The following SCN10A variants were observed in gnomAD, a reference collection of about 807,000 sequenced individuals.
The protein encoded by SCN10A is sodium channel protein type 10 subunit alpha.
In SCN10A, 162 loss-of-function variants were observed where a neutral mutation model predicts 170.7. The ratio of observed to expected loss-of-function variants is 0.95; its 90% CI spans 0.84 to 1.08. The LOEUF (loss-of-function observed/expected upper bound fraction) is 1.08, where lower values mean the gene tolerates loss of function less well. SCN10A is among the 50% of genes least tolerant of loss of function. SCN10A has a pLI of 0.00. For synonymous variants in SCN10A, 985 were observed against 904.6 expected (o/e 1.09, Z -1.59); for missense variants, 2,527 against 2,436.9 (o/e 1.04, Z -0.78).
chr3:38,737,834 C>CTTTCTTTCTTTCTTTCTTTCTTTCTA (rs2063586161), intron 15 of SCN10A, among the ~76,000 whole-genome samples: 1 of 53,838 alleles, frequency 1.9e-5, no homozygotes, highest in Non-Finnish European at 3.3e-5. Flanking sequence ...CTTTCTTTCT[C>CTTTCTTTCTTTCTTTCTTTCTTTCTA]TTTCTTCTTT....
At position 38,756,884 on chromosome 3, in the gene SCN10A, G is replaced by C. The variant is rs375444748; in HGVS notation, c.1093-13C>G. On this transcript the variant is annotated splice_polypyrimidine_tract_variant and intron_variant, in intron 9 of 27. Transcript: ENST00000449082. ...AAGTCCTCAGGGTCTGCAGGTTCAAGGGAAAGAAGAGAAACCTGTACCCAT... is the reference window on the plus strand; with the variant it reads ...AAGTCCTCAGGGTCTGCAGGTTCAACGGAAAGAAGAGAAACCTGTACCCAT... The C allele has an allele frequency of 2.2e-5, 35 of 1,613,834 alleles. No individual in the cohort carries two copies. In the African/African-American group the frequency reaches 4.1e-4, roughly 19 times the overall value.
chr3:38,697,690 T>A lies in SCN10A; in HGVS notation c.5530A>T (p.Thr1844Ser). 6.2e-7 allele frequency: 1 copy of A among 1,614,112 alleles called. No individual in the cohort carries two copies. Among genetic ancestry groups the A allele is most frequent in the Non-Finnish European group, 8.5e-7 (1 of 1,180,016 alleles). The change falls in exon 28 of 28, where the codon ACC (threonine) becomes TCC (serine). Residue 1844 changes from threonine (T) to serine (S), a missense_variant. Coordinates refer to ENST00000449082, the MANE Select transcript of SCN10A (RefSeq NM_006514.4). ...LSKSSYEPIA[T>S]TLRWKQEDIS... ...TCTTCTTGCTTCCATCGGAGAGTGG[T>A]TGCTATTGGTTCATAGGATGATTTT...
intron 5 of SCN10A, among the ~76,000 whole-genome samples, chr3:38,768,179 A>AT (rs112438902): frequency 3.0e-4 from 44 of 148,170 alleles, no homozygotes; most frequent in Middle Eastern, 3.2e-3. Flanking sequence ...TGGTTGGTGG[A>AT]TTTTTTTTTT....
Position 38,742,400 on chromosome 3 carries a change from A to G in SCN10A, c.1997T>C (p.Phe666Ser), listed in dbSNP as rs2063642791. 6.2e-7 allele frequency: 1 copy of G among 1,614,074 alleles called. No individual in the cohort carries two copies. ...TILFGLVTDP[F>S]AELTITLCIV... ...GCACAAGGTGATGGTGAGCTCTGCA[A>G]AGGGATCCGTCACAAGCCCAAAGAG... Residue 666 changes from phenylalanine (F) to serine (S), a missense_variant, in exon 14 of 28, where the codon TTT becomes TCT. By Grantham distance (155) the Phe-to-Ser change is radical. Coordinates refer to ENST00000449082, the MANE Select transcript of SCN10A (RefSeq NM_006514.4).
In SCN10A at chr3:38,697,249, T is replaced by C; in HGVS notation, c.*100A>G. The C allele has an allele frequency of 1.3e-6, 2 of 1,520,430 alleles. No individual in the cohort carries two copies. The highest frequency in any genetic ancestry group is 1.8e-6 in the Non-Finnish European group (2 of 1,132,694). The allele number at this position is 1,520,430 out of a possible 1,614,324, so 94.2% of individuals were successfully genotyped here. On this transcript the variant is annotated 3_prime_UTR_variant, in exon 28 of 28. Transcript: ENST00000449082. Reference sequence around the variant, plus strand: ...CTGACATTGTGACCAGTGGCATGCATTGGTGAGGCTGTAGCTGGGTGTGAT... The same window carrying C: ...CTGACATTGTGACCAGTGGCATGCACTGGTGAGGCTGTAGCTGGGTGTGAT...
At chr3:38,793,156 A>G (rs1178673886) in intron 2 of SCN10A, among the ~76,000 whole-genome samples, 1 of 152,240 alleles carries the variant, frequency 6.6e-6, no homozygotes, top group East Asian at 1.9e-4. Context: ...ACAGGCACAC[A>G]TTCCAGTAGC....
At chr3:38,750,222 C>T (rs776339969) in intron 12 of SCN10A, 38 bp from the exon 13 acceptor site, 3 of 1,244,096 alleles carry the variant, frequency 2.4e-6, no homozygotes, top group Non-Finnish European at 3.5e-6. Flanking sequence ...GCTCCTTTAA[C>T]CTGACATCTT....
At chr3:38,802,395 A>G (rs1375811005) in intron 1 of SCN10A, among the ~76,000 whole-genome samples, 1 of 152,146 alleles carries the variant, frequency 6.6e-6, no homozygotes, top group Non-Finnish European at 1.5e-5. Flanking sequence ...ATCACCTTCC[A>G]CCCAGATGTC....
chr3:38,736,361 CTGTGTGTGTGTGTGTGTGTGTGTGTG>C (rs68001863), intron 15 of SCN10A, among the ~76,000 whole-genome samples: 2 of 139,464 alleles, frequency 1.4e-5, no homozygotes, highest in South Asian at 5.1e-4. Flanking sequence ...TAGGGAAACT[CTGTGTGTGTGTGTGTGTGTGTGTGTG>C]TGTGTGTGTG....
intron 20 of SCN10A, 116 bp downstream of exon 20, chr3:38,722,142 G>A (rs927573101): frequency 7.9e-6 from 8 of 1,009,048 alleles, no homozygotes; most frequent in Admixed American, 2.5e-5. Context: ...TAGTGACAAG[G>A]TTGGGGACTT....
rs772484960 is a variant in SCN10A at position 38,698,511 on chromosome 3, G to T, written c.4709C>A (p.Thr1570Lys). 2 of 1,614,130 alleles carry T rather than the reference G, an allele frequency of 1.2e-6. No individual in the cohort carries two copies. Among genetic ancestry groups the T allele is most frequent in the Admixed American group, 1.7e-5 (1 of 60,024 alleles). ...GGCCAGGCGGATGACTCTGAAGAGCGTTGGGGAGAAGTAACTTTGAAGTGA... is the reference window on the plus strand; with the variant it reads ...GGCCAGGCGGATGACTCTGAAGAGCTTTGGGGAGAAGTAACTTTGAAGTGA... ...LKSLQSYFSP[T>K]LFRVIRLARI... Residue 1570 changes from threonine to lysine, a missense_variant, in exon 28 of 28, where the codon ACG (threonine) becomes AAG (lysine). Thr to Lys is a moderately conservative substitution (Grantham distance 78, BLOSUM62 -1). Transcript: ENST00000449082.
chr3:38,736,549 A>G (rs1189691506), intron 15 of SCN10A, among the ~76,000 whole-genome samples: 1 of 152,178 alleles, frequency 6.6e-6, no homozygotes, highest in Non-Finnish European at 1.5e-5. Context: ...CATTTCTCAC[A>G]GCTCAGGTGC....
At position 38,755,799 on chromosome 3, in the gene SCN10A, G is replaced by A; in HGVS notation, c.1450C>T (p.Gln484Ter). ...CCTGAGCCTCTTACCATCCTGCGCT[G>A]GTTGTAAGGATCAGAGCGGGGTGAT... is the stretch of plus-strand genomic sequence containing the variant. ...NKSPRSDPYN[Q>*]RRMSFLGLAS... Residue 484 changes from glutamine (Q) to a stop codon, truncating the protein, a stop_gained, in exon 11 of 28, where the codon CAG becomes TAG. Coordinates refer to ENST00000449082, the MANE Select transcript of SCN10A (RefSeq NM_006514.4). LOFTEE classifies it high-confidence loss of function. 1.9e-6 allele frequency: 3 copies of A among 1,613,778 alleles called. No homozygotes were observed. The highest frequency in any genetic ancestry group is 2.5e-6 in the Non-Finnish European group (3 of 1,180,026).
Position 38,723,521 on chromosome 3 carries a change from G to T in SCN10A, c.3261C>A (p.Ser1087Arg). The change falls in exon 19 of 28, where the codon AGC becomes AGA. Residue 1087 changes from serine (S) to arginine (R), a missense_variant. By Grantham distance (110) the Ser-to-Arg change is moderately radical. Transcript: ENST00000449082. Reference sequence around the variant, plus strand: ...CCTCAGGATCTAGGCAGTCCACCGTGCTGCCCTCAGAGGAGCTTGTGTCGT... The same window carrying T: ...CCTCAGGATCTAGGCAGTCCACCGTTCTGCCCTCAGAGGAGCTTGTGTCGT... ...GVDDTSSSEG[S>R]TVDCLDPEEI... 1 of 1,609,098 alleles carries T rather than the reference G, an allele frequency of 6.2e-7. No homozygotes were observed. Among genetic ancestry groups the T allele is most frequent in the Non-Finnish European group, 8.5e-7 (1 of 1,177,420 alleles).
At position 38,784,062 on chromosome 3, in the gene SCN10A, T is replaced by A. The variant is rs78768858; in HGVS notation, c.470+4894A>T. Among the ~76,000 whole-genome samples the A allele has an allele frequency of 7.4e-3, 1,132 of 152,248 alleles. 10 individuals carry two copies. Among genetic ancestry groups the A allele is most frequent in the African/African-American group, 0.023 (939 of 41,572 alleles). On this transcript the variant is annotated intron_variant, in intron 4 of 27. Coordinates refer to ENST00000449082, the MANE Select transcript of SCN10A (RefSeq NM_006514.4). The stretch of plus-strand genomic sequence containing the variant: ...TTACAAGTGGTTGTTCTGACATTTT[T>A]CTAATTGATTTGTAGAGTTCATTAC...
intron 14 of SCN10A, among the ~76,000 whole-genome samples, chr3:38,741,375 A>T (rs2063630288): frequency 6.6e-6 from 1 of 152,120 alleles, no homozygotes. Flanking sequence ...CGGGCTTGGC[A>T]GCCGGTCTGT....
intron 13 of SCN10A, among the ~76,000 whole-genome samples, chr3:38,749,317 G>A (rs2063724167): frequency 6.6e-6 from 1 of 152,186 alleles, no homozygotes; most frequent in Non-Finnish European, 1.5e-5. Context: ...ATTTGTCTAG[G>A]GGAGTAAGAT....
At chr3:38,767,434 G>T (rs1054528456) in intron 5 of SCN10A, among the ~76,000 whole-genome samples, 10 of 151,882 alleles carry the variant, frequency 6.6e-5, no homozygotes, top group African/African-American at 2.4e-4. Flanking sequence ...TTGATAAGTT[G>T]TGTGACTATT....
chr3:38,799,306 C>T (rs541618387), intron 1 of SCN10A, among the ~76,000 whole-genome samples: 2 of 152,124 alleles, frequency 1.3e-5, no homozygotes, highest in Non-Finnish European at 2.9e-5. Context: ...CCATCACTCA[C>T]ATTGACTGAT....
Sources: gnomAD v4.1 joint callset for allele counts (sites outside exome capture counted in the v4.1 genomes callset) on GRCh38, gnomAD v4.1.1 for gene constraint, MANE v1.5 for transcripts, NCBI Gene and HGNC (gene_info 2026-07-23, HGNC 2026-07-21) for gene names.